Variants in ASTN1 observed in about 807,000 individuals in gnomAD.
The protein encoded by ASTN1 is astrotactin-1.
ASTN1 carries 41 observed loss-of-function variants against 140.7 expected under a neutral mutation model. The observed-to-expected ratio is 0.29, with a 90% CI of 0.23 to 0.38. The LOEUF (loss-of-function observed/expected upper bound fraction) is 0.38, where lower values mean the gene tolerates loss of function less well. ASTN1 is among the 10% of genes least tolerant of loss of function. ASTN1 has a pLI of 1.00. For synonymous variants in ASTN1, 640 were observed against 652.2 expected (o/e 0.98, Z 0.29); for missense variants, 1,479 against 1,678.8 (o/e 0.88, Z 2.08).
intron 2 of ASTN1, among the ~76,000 whole-genome samples, chr1:177,036,539 A>G (rs1413980680): frequency 2.6e-5 from 4 of 152,194 alleles, no homozygotes; most frequent in African/African-American, 9.6e-5. Context: ...TACATAAATA[A>G]TAATATACTG....
Position 176,861,796 on chromosome 1 carries a change from G to C in ASTN1, c.*2488C>G. On this transcript the variant is annotated 3_prime_UTR_variant, in exon 23 of 23. Transcript: ENST00000361833. ...GGCCAAAAAAGGAGGGTCACAGAAA[G>C]AAGAAGTAAAAGACAAAGATAAAGA... is the stretch of plus-strand genomic sequence containing the variant. 2 of 985,430 alleles carry C rather than the reference G, an allele frequency of 2.0e-6. No individual in the cohort carries two copies. Among genetic ancestry groups the C allele is most frequent in the Non-Finnish European group, 2.4e-6 (2 of 829,980 alleles). The allele number at this position is 985,430 out of a possible 1,614,324, so 61.0% of individuals were successfully genotyped here. A position where few individuals can be genotyped will look rare whatever the true frequency, so the allele number is the denominator to read the frequency against.
intron 1 of ASTN1, among the ~76,000 whole-genome samples, chr1:177,067,217 A>T (rs938580621): frequency 1.3e-5 from 2 of 152,126 alleles, no homozygotes; most frequent in Admixed American, 1.3e-4. Context: ...ATGCACTCCT[A>T]TGAGAGCCTT....
intron 18 of ASTN1, among the ~76,000 whole-genome samples, chr1:176,884,977 G>A (rs938932263): frequency 1.3e-5 from 2 of 152,206 alleles, no homozygotes; most frequent in Non-Finnish European, 2.9e-5. Flanking sequence ...CTGCCGTGCT[G>A]GTGGGGGAAA....
intron 1 of ASTN1, among the ~76,000 whole-genome samples, chr1:177,155,175 A>C (rs1470997776): frequency 4.6e-5 from 7 of 152,202 alleles, no homozygotes; most frequent in African/African-American, 1.7e-4. Context: ...ATTGATGGTA[A>C]AAGAGCAGTG....
chr1:177,061,156 A>G lies in ASTN1; in HGVS notation c.393T>C (p.Leu131=). ...GTTCTTCAGTGGGGTCTTGTCCAGG[A>G]AGGCTTGGGGCACCATCTTGGTGAT... is the stretch of plus-strand genomic sequence containing the variant. ...HIHHQDGAPS[L]PGQDPTEEPQ... Residue 131 remains leucine, a synonymous_variant, in exon 2 of 23, where the codon CTT becomes CTC. Coordinates refer to ENST00000361833, the MANE Select transcript of ASTN1 (RefSeq NM_004319.3). The G allele has an allele frequency of 6.2e-7, 1 of 1,611,918 alleles. No individual in the cohort carries two copies. Among genetic ancestry groups the G allele is most frequent in the Non-Finnish European group, 8.5e-7 (1 of 1,179,092 alleles).
At chr1:177,090,243 T>A (rs1679682063) in intron 1 of ASTN1, among the ~76,000 whole-genome samples, 1 of 151,734 alleles carries the variant, frequency 6.6e-6, no homozygotes, top group African/African-American at 2.4e-5. Context: ...GTACCCTGTT[T>A]ATCTAGTATA....
intron 1 of ASTN1, among the ~76,000 whole-genome samples, chr1:177,076,278 C>CAAAAAAAAAAA (rs1171864161): frequency 1.3e-5 from 1 of 77,730 alleles, no homozygotes; most frequent in African/African-American, 5.1e-5. Context: ...GACTATGTCT[C>CAAAAAAAAAAA]AAAAAAAAAA....
chr1:176,939,036 C>A (rs1671571518), intron 14 of ASTN1, among the ~76,000 whole-genome samples: 2 of 151,804 alleles, frequency 1.3e-5, no homozygotes, highest in African/African-American at 4.8e-5. Context: ...TGCTTGAACC[C>A]AGGGGGCGGA....
At chr1:177,085,690 T>C (rs1441392562) in intron 1 of ASTN1, among the ~76,000 whole-genome samples, 3 of 152,182 alleles carry the variant, frequency 2.0e-5, no homozygotes, top group Non-Finnish European at 4.4e-5. Flanking sequence ...TTGTTGTCAG[T>C]TGGCCAGAAT....
chr1:177,014,012 C>G (rs911985181), intron 8 of ASTN1, among the ~76,000 whole-genome samples: 6 of 150,866 alleles, frequency 4.0e-5, no homozygotes, highest in African/African-American at 9.8e-5. Flanking sequence ...TGCCACTACA[C>G]TCCAGCCTGG....
At chr1:177,029,954 C>T (rs367582036) in intron 4 of ASTN1, among the ~76,000 whole-genome samples, 1 of 152,170 alleles carries the variant, frequency 6.6e-6, no homozygotes, top group Non-Finnish European at 1.5e-5. Flanking sequence ...TCTACCCTGC[C>T]CCACCCACTT....
At chr1:176,988,239 G>A (rs570145238) in intron 8 of ASTN1, among the ~76,000 whole-genome samples, 1 of 149,860 alleles carries the variant, frequency 6.7e-6, no homozygotes, top group Admixed American at 6.7e-5. Context: ...CAGGGGAAAT[G>A]TGTTGTCTAC....
intron 1 of ASTN1, among the ~76,000 whole-genome samples, chr1:177,108,400 G>C (rs1680655897): frequency 6.6e-6 from 1 of 151,746 alleles, no homozygotes; most frequent in Admixed American, 6.6e-5. Flanking sequence ...TTCTCTGAAG[G>C]GGATGTGTGT....
chr1:177,057,527 C>T (rs1299055617), intron 2 of ASTN1, among the ~76,000 whole-genome samples: 5 of 152,158 alleles, frequency 3.3e-5, no homozygotes, highest in Non-Finnish European at 7.4e-5. Flanking sequence ...TTAAGGTTTT[C>T]ATAAAACCAT....
At chr1:176,922,373 C>A (rs1018890139) in intron 16 of ASTN1, among the ~76,000 whole-genome samples, 3 of 151,902 alleles carry the variant, frequency 2.0e-5, no homozygotes, top group Non-Finnish European at 4.4e-5. Context: ...ATTTTTCCCA[C>A]CTCTGGAGGA....
chr1:176,877,647 A>G (rs1225144807), intron 20 of ASTN1, among the ~76,000 whole-genome samples: 1 of 152,230 alleles, frequency 6.6e-6, no homozygotes, highest in East Asian at 1.9e-4. Context: ...GAACACAACC[A>G]TGGCAATCAG....
At chr1:177,054,811 T>C (rs980826641) in intron 2 of ASTN1, among the ~76,000 whole-genome samples, 36 of 152,088 alleles carry the variant, frequency 2.4e-4, no homozygotes, top group Non-Finnish European at 5.1e-4. Context: ...TTGAGAAAGA[T>C]TTATAGAATA....
chr1:177,008,675 T>C (rs918023474), intron 8 of ASTN1, among the ~76,000 whole-genome samples: 1 of 150,846 alleles, frequency 6.6e-6, no homozygotes, highest in Non-Finnish European at 1.5e-5. Context: ...AATAAACTGC[T>C]GAATGAATAT....
intron 2 of ASTN1, among the ~76,000 whole-genome samples, chr1:177,046,127 C>T (rs1677207835): frequency 6.6e-6 from 1 of 152,088 alleles, no homozygotes; most frequent in African/African-American, 2.4e-5. Flanking sequence ...GTTTTTTCTG[C>T]CACCACACCA....
Sources: gnomAD v4.1 joint callset for allele counts (sites outside exome capture counted in the v4.1 genomes callset) on GRCh38, gnomAD v4.1.1 for gene constraint, MANE v1.5 for transcripts, NCBI Gene and HGNC (gene_info 2026-07-23, HGNC 2026-07-21) for gene names.